Variants in ARHGAP15 observed in about 807,000 individuals in gnomAD.
ARHGAP15 encodes the protein Rho GTPase activating protein 15.
ARHGAP15 carries 51 observed loss-of-function variants against 63.7 expected under a neutral mutation model. The observed-to-expected ratio is 0.80, with a 90% CI of 0.64 to 1.01. ARHGAP15 has a LOEUF of 1.01. Ranked by LOEUF, ARHGAP15 falls within the 50% of genes least tolerant of loss-of-function variation. The pLI is 0.00. For missense variants in ARHGAP15, 560 were observed against 564.6 expected, an observed-to-expected ratio of 0.99 and a Z score of 0.08; for synonymous variants, 191 against 193.8, an observed-to-expected ratio of 0.99 and a Z score of 0.12.
intron 6 of ARHGAP15, among the ~76,000 whole-genome samples, chr2:143,423,940 CAG>C (rs944112963): frequency 4.6e-5 from 7 of 151,930 alleles, no homozygotes; most frequent in African/African-American, 1.2e-4. Context: ...AGGTTAGAGA[CAG>C]AGAAATTATG....
At chr2:143,305,696 C>T (rs754212504) in intron 6 of ARHGAP15, among the ~76,000 whole-genome samples, 12 of 151,884 alleles carry the variant, frequency 7.9e-5, no homozygotes, top group Non-Finnish European at 1.8e-4. Context: ...ATATATCAAA[C>T]TTGAGATACA....
chr2:143,466,358 A>G (rs747742020), intron 8 of ARHGAP15, among the ~76,000 whole-genome samples: 3 of 151,684 alleles, frequency 2.0e-5, no homozygotes, highest in Non-Finnish European at 4.4e-5. Flanking sequence ...GAACTATGCA[A>G]TTTCCCAAGA....
At chr2:143,690,807 C>G (rs1683562236) in intron 12 of ARHGAP15, among the ~76,000 whole-genome samples, 1 of 152,096 alleles carries the variant, frequency 6.6e-6, no homozygotes, top group Non-Finnish European at 1.5e-5. Context: ...ATGCTCAAGT[C>G]AGCCTTTTTT....
At chr2:143,755,043 T>C (rs1456133796) in intron 13 of ARHGAP15, among the ~76,000 whole-genome samples, 1 of 152,184 alleles carries the variant, frequency 6.6e-6, no homozygotes, top group Non-Finnish European at 1.5e-5. Flanking sequence ...AGTCATTATC[T>C]ACTATCTCAT....
intron 6 of ARHGAP15, among the ~76,000 whole-genome samples, chr2:143,291,755 A>T (rs1006801655): frequency 7.9e-5 from 12 of 152,110 alleles, no homozygotes; most frequent in African/African-American, 2.7e-4. Context: ...CAAACTGATG[A>T]GGTTTGAACC....
At chr2:143,351,876 G>C (rs1187760946) in intron 6 of ARHGAP15, among the ~76,000 whole-genome samples, 1 of 152,088 alleles carries the variant, frequency 6.6e-6, no homozygotes, top group Non-Finnish European at 1.5e-5. Context: ...TTTACTCCAG[G>C]AAGTAACATA....
At chr2:143,188,097 G>A (rs537614246) in intron 2 of ARHGAP15, among the ~76,000 whole-genome samples, 86 of 151,686 alleles carry the variant, frequency 5.7e-4, no homozygotes, top group African/African-American at 1.5e-3. Flanking sequence ...TAAATATTAC[G>A]CATATACTGT....
chr2:143,708,067 G>A (rs1348869596), intron 13 of ARHGAP15, among the ~76,000 whole-genome samples: 2 of 152,168 alleles, frequency 1.3e-5, no homozygotes, highest in Non-Finnish European at 1.5e-5. Flanking sequence ...TTTGGAGTTA[G>A]GCTGATCTGA....
At chr2:143,564,684 G>A (rs1486515494) in intron 11 of ARHGAP15, among the ~76,000 whole-genome samples, 1 of 152,134 alleles carries the variant, frequency 6.6e-6, no homozygotes, top group East Asian at 1.9e-4. Context: ...GTTTTCTAGT[G>A]AGGGGAAGTC....
chr2:143,242,883 T>C (rs1291528454), intron 5 of ARHGAP15, among the ~76,000 whole-genome samples: 4 of 152,220 alleles, frequency 2.6e-5, no homozygotes, highest in Admixed American at 2.0e-4. Flanking sequence ...AAACCAGTTA[T>C]GTGATAAAAC....
In ARHGAP15 at chr2:143,435,335, T is replaced by G. The variant is rs969529599; in HGVS notation, c.475-266T>G. ...TCTGAACTTCCTGGCTTGTTTCTCC[T>G]TAAGTTGGAGTAATTCAGCTCTAGC... On this transcript the variant is annotated intron_variant, in intron 6 of 13. Transcript: ENST00000295095. 4.6e-6 allele frequency: 5 copies of G among 1,089,928 alleles called. No individual in the cohort carries two copies. In the African/African-American group the frequency reaches 8.3e-5, roughly 18 times the overall value. 67.5% of individuals were successfully genotyped at this position (1,089,928 alleles called of 1,614,324 possible).
chr2:143,709,271 CAAAAG>C (rs1343011893), intron 13 of ARHGAP15, among the ~76,000 whole-genome samples: 1 of 152,092 alleles, frequency 6.6e-6, no homozygotes, highest in Non-Finnish European at 1.5e-5. Flanking sequence ...TGTAAGGACT[CAAAAG>C]AACTTTTATG....
intron 10 of ARHGAP15, chr2:143,533,243 A>G (rs1343638668): frequency 6.6e-6 from 1 of 152,210 alleles, no homozygotes; most frequent in Non-Finnish European, 1.5e-5. Flanking sequence ...TTTTTAACAA[A>G]TGTTGGCAGG....
chr2:143,220,313 C>A (rs1361835499), intron 4 of ARHGAP15, among the ~76,000 whole-genome samples: 1 of 152,190 alleles, frequency 6.6e-6, no homozygotes, highest in African/African-American at 2.4e-5. Context: ...ATCCATCCAC[C>A]CACCTTATGC....
intron 5 of ARHGAP15, among the ~76,000 whole-genome samples, chr2:143,240,197 A>G (rs1445420504): frequency 6.6e-6 from 1 of 151,394 alleles, no homozygotes; most frequent in Non-Finnish European, 1.5e-5. Flanking sequence ...AACAAAATAA[A>G]ATAAAATAAA....
chr2:143,456,391 T>C (rs1690655581), intron 8 of ARHGAP15, among the ~76,000 whole-genome samples: 1 of 152,124 alleles, frequency 6.6e-6, no homozygotes, highest in Non-Finnish European at 1.5e-5. Context: ...TCATTTTGAA[T>C]TTTCTATTGT....
intron 10 of ARHGAP15, among the ~76,000 whole-genome samples, chr2:143,555,530 T>C (rs2105083979): frequency 6.6e-6 from 1 of 152,206 alleles, no homozygotes; most frequent in East Asian, 1.9e-4. Context: ...TCCCTTTTCG[T>C]TTTCCTGTTT....
chr2:143,231,069 C>CTCTTTTTTTTTT (rs1693414952), intron 5 of ARHGAP15, among the ~76,000 whole-genome samples: 3 of 125,458 alleles, frequency 2.4e-5, no homozygotes, highest in Non-Finnish European at 5.0e-5. Context: ...GATGTAATTC[C>CTCTTTTTTTTTT]TTTTTTTTTT....
intron 2 of ARHGAP15, among the ~76,000 whole-genome samples, chr2:143,185,533 C>T (rs569009864): frequency 1.3e-5 from 2 of 152,258 alleles, no homozygotes; most frequent in African/African-American, 4.8e-5. Context: ...CCTATAATTA[C>T]TGCAATATGA....
Sources: allele counts gnomAD v4.1 joint callset (sites outside exome capture counted in the v4.1 genomes callset), GRCh38; gene constraint gnomAD v4.1.1; transcripts MANE v1.5; gene names NCBI Gene and HGNC (gene_info 2026-07-23, HGNC 2026-07-21).